Variants in OSBPL6 observed in about 807,000 individuals in gnomAD.
OSBPL6 encodes oxysterol binding protein like 6, also known as oxysterol-binding protein-related protein 6.
A neutral mutation model predicts 125.8 loss-of-function variants in OSBPL6; 49 were observed. That is an observed-to-expected ratio of 0.39 (90% CI 0.31 to 0.49). The LOEUF (loss-of-function observed/expected upper bound fraction) is 0.49. OSBPL6 is among the 20% of genes least tolerant of loss of function. The pLI, the probability that OSBPL6 is intolerant of heterozygous loss-of-function variation, is 0.88. For synonymous variants in OSBPL6, 394 were observed against 391.8 expected (o/e 1.01, Z -0.07); for missense variants, 986 against 1,135.4 (o/e 0.87, Z 1.89).
intron 15 of OSBPL6, among the ~76,000 whole-genome samples, chr2:178,378,080 C>T (rs1359486387): frequency 7.9e-5 from 12 of 152,324 alleles, no homozygotes; most frequent in African/African-American, 2.4e-4. Context: ...TCGCCTGCCT[C>T]AGCCTCCCAA....
chr2:178,255,212 G>C (rs189369747), intron 1 of OSBPL6, among the ~76,000 whole-genome samples: 11 of 152,380 alleles, frequency 7.2e-5, no homozygotes, highest in African/African-American at 2.6e-4. Flanking sequence ...GCTGAGGCAG[G>C]AGAATTGCTT....
chr2:178,374,052 G>T lies in OSBPL6; in HGVS notation c.1533+25G>T, dbSNP rs763939890. 4.4e-6 allele frequency: 7 copies of T among 1,609,040 alleles called. No individual in the cohort carries two copies. In the East Asian group the frequency reaches 1.6e-4, roughly 36 times the overall value. ...GGTATGTATGCCTCCTTGACTTGTT[G>T]GCCTCAACATCTTGTGACTGAGTTT... On this transcript the variant is annotated intron_variant, in intron 15 of 24. Transcript: ENST00000190611.
At chr2:178,287,695 C>T (rs1330194866) in intron 2 of OSBPL6, among the ~76,000 whole-genome samples, 1 of 151,218 alleles carries the variant, frequency 6.6e-6, no homozygotes, top group Non-Finnish European at 1.5e-5. Flanking sequence ...GAGCCTATCT[C>T]CCCCCATCTA....
intron 23 of OSBPL6, among the ~76,000 whole-genome samples, chr2:178,393,953 T>C (rs1695628021): frequency 6.6e-6 from 1 of 152,212 alleles, no homozygotes; most frequent in South Asian, 2.1e-4. Flanking sequence ...AAAAGGAACA[T>C]GGCTATGACT....
intron 6 of OSBPL6, 32 bp from the exon 7 acceptor site, chr2:178,332,609 T>G (rs1216722648): frequency 3.4e-6 from 5 of 1,465,924 alleles, no homozygotes; most frequent in Non-Finnish European, 4.8e-6. Flanking sequence ...TCATATATCC[T>G]TTCAGCCTAT....
intron 1 of OSBPL6, among the ~76,000 whole-genome samples, chr2:178,216,209 G>C (rs1009299881): frequency 2.0e-5 from 3 of 152,146 alleles, no homozygotes; most frequent in Non-Finnish European, 4.4e-5. Flanking sequence ...ATGTTGGTTA[G>C]TAGATATTGG....
intron 20 of OSBPL6, among the ~76,000 whole-genome samples, chr2:178,388,102 A>T (rs1226080636): frequency 1.3e-5 from 2 of 152,202 alleles, no homozygotes; most frequent in Non-Finnish European, 2.9e-5. Flanking sequence ...ACTTAGAAGC[A>T]TCTTTTTTAT....
chr2:178,215,611 GAGA>G (rs1306321038), intron 1 of OSBPL6, among the ~76,000 whole-genome samples: 1 of 152,154 alleles, frequency 6.6e-6, no homozygotes, highest in Non-Finnish European at 1.5e-5. Context: ...TCTGCAGAGA[GAGA>G]AGAAGCCCTC....
At chr2:178,259,779 AG>A (rs1441088066) in intron 1 of OSBPL6, among the ~76,000 whole-genome samples, 1 of 152,218 alleles carries the variant, frequency 6.6e-6, no homozygotes, top group Non-Finnish European at 1.5e-5. Flanking sequence ...TCTATTCCAA[AG>A]AAAGTTTGCG....
At chr2:178,220,000 G>A (rs752675771) in intron 1 of OSBPL6, among the ~76,000 whole-genome samples, 3 of 152,138 alleles carry the variant, frequency 2.0e-5, no homozygotes, top group Admixed American at 6.5e-5. Context: ...TTAAGATTTC[G>A]AGTGCTTAGG....
chr2:178,357,119 T>C (rs1326928771), intron 12 of OSBPL6, among the ~76,000 whole-genome samples: 1 of 152,212 alleles, frequency 6.6e-6, no homozygotes, highest in Admixed American at 6.5e-5. Context: ...ACGTTAGACC[T>C]AAAACTGTAA....
Position 178,220,099 on chromosome 2 carries a change from T to A in OSBPL6, c.-351+25425T>A, listed in dbSNP as rs189239451. ...GGTGTCTGTTCCCCCATAGCTCAAA[T>A]GTAATAACTACTATGTGCTGATAGA... On this transcript the variant is annotated intron_variant, in intron 1 of 24. Coordinates refer to ENST00000190611, the MANE Select transcript of OSBPL6 (RefSeq NM_032523.4). 6.0e-4 allele frequency among the ~76,000 whole-genome samples: 92 copies of A among 152,322 alleles called. 2 individuals carry two copies. The East Asian group carries it at 0.014, about 23-fold the overall frequency.
chr2:178,388,852 C>G (rs528395660), intron 20 of OSBPL6, among the ~76,000 whole-genome samples, 157 bp from the exon 21 acceptor site: 1 of 152,158 alleles, frequency 6.6e-6, no homozygotes, highest in South Asian at 2.1e-4. Flanking sequence ...TTAACCACAT[C>G]GTAAATACTT....
intron 12 of OSBPL6, among the ~76,000 whole-genome samples, chr2:178,354,116 C>T (rs1691549173): frequency 6.6e-6 from 1 of 152,208 alleles, no homozygotes; most frequent in Non-Finnish European, 1.5e-5. Flanking sequence ...CAACTGGTAC[C>T]AGCCACTGCG....
In OSBPL6 at chr2:178,397,628, A is replaced by G. The variant is rs905901914; in HGVS notation, c.*2069A>G. 6.6e-6 allele frequency: 1 copy of G among 152,206 alleles called. No homozygotes were observed. The highest frequency in any genetic ancestry group is 1.5e-5 in the Non-Finnish European group (1 of 68,064). 9.4% of individuals were successfully genotyped at this position (152,206 alleles called of 1,614,324 possible). On this transcript the variant is annotated 3_prime_UTR_variant, in exon 25 of 25. Coordinates refer to ENST00000190611, the MANE Select transcript of OSBPL6 (RefSeq NM_032523.4). ...TGAACAGTCTCAAAATAGCCTAAAC[A>G]TAAGAAAACAATCCTGCAAAGTAAA...
At chr2:178,207,153 G>A (rs2089580267) in intron 1 of OSBPL6, among the ~76,000 whole-genome samples, 1 of 152,144 alleles carries the variant, frequency 6.6e-6, no homozygotes, top group South Asian at 2.1e-4. Context: ...GTGGCAGAGT[G>A]GTATACTGGT....
At chr2:178,374,361 A>G (rs1414163913) in intron 15 of OSBPL6, among the ~76,000 whole-genome samples, 10 of 152,228 alleles carry the variant, frequency 6.6e-5, no homozygotes, top group African/African-American at 2.2e-4. Flanking sequence ...GCTAATAAAT[A>G]TAGAAAGAAT....
chr2:178,323,320 C>G (rs1228048829), intron 3 of OSBPL6, among the ~76,000 whole-genome samples: 2 of 152,064 alleles, frequency 1.3e-5, no homozygotes. Flanking sequence ...ACCCATTTTT[C>G]TGTTGAAATT....
At chr2:178,360,003 C>T (rs565218990) in intron 12 of OSBPL6, among the ~76,000 whole-genome samples, 2 of 152,182 alleles carry the variant, frequency 1.3e-5, no homozygotes, top group East Asian at 3.9e-4. Flanking sequence ...ACGAGAATTG[C>T]TTGAACACAG....
Sources: gnomAD v4.1 joint callset for allele counts (sites outside exome capture counted in the v4.1 genomes callset) on GRCh38, gnomAD v4.1.1 for gene constraint, MANE v1.5 for transcripts, NCBI Gene and HGNC (gene_info 2026-07-23, HGNC 2026-07-21) for gene names.